ANXA4: variants seen among roughly 807,000 people sequenced by gnomAD.
ANXA4 encodes the protein 35-beta calcimedin.
Under a neutral mutation model 49.8 loss-of-function variants are expected in ANXA4, and 39 were observed. That is an observed-to-expected ratio of 0.78 (90% confidence interval 0.61 to 1.02). The LOEUF (loss-of-function observed/expected upper bound fraction) is 1.02. ANXA4 is among the 50% of genes least tolerant of loss of function. ANXA4 has a pLI of 0.00. For missense variants in ANXA4, 360 were observed against 410.1 expected, an observed-to-expected ratio of 0.88 and a Z score of 1.05; for synonymous variants, 134 against 152.5, an observed-to-expected ratio of 0.88 and a Z score of 0.89.
At chr2:69,663,289 C>T (rs1303870783) in intron 2 of ANXA4, among the ~76,000 whole-genome samples, 10 of 117,036 alleles carry the variant, frequency 8.5e-5, no homozygotes, top group South Asian at 2.8e-4. Context: ...CCAATGCACC[C>T]GGCCTTTTTT....
intron 1 of ANXA4, among the ~76,000 whole-genome samples, chr2:69,756,274 G>A (rs10190821): frequency 0.021 from 3,189 of 152,194 alleles, 55 homozygotes; most frequent in African/African-American, 0.041. Flanking sequence ...CCCTGCCTTG[G>A]GGCGTTTTTG....
chr2:69,797,300 C>T (rs1322043712), intron 3 of ANXA4, among the ~76,000 whole-genome samples: 5 of 152,094 alleles, frequency 3.3e-5, no homozygotes, highest in East Asian at 1.9e-4. Flanking sequence ...CCTTGGTCCC[C>T]GGGTCCCAGC....
At chr2:69,671,857 C>T (rs147149450) in intron 2 of ANXA4, among the ~76,000 whole-genome samples, 17 of 152,228 alleles carry the variant, frequency 1.1e-4, no homozygotes, top group South Asian at 2.1e-4. Context: ...AGTCAGAAAC[C>T]AACAAGTGTT....
chr2:69,798,719 T>C (rs565687370), intron 3 of ANXA4, among the ~76,000 whole-genome samples: 1 of 152,192 alleles, frequency 6.6e-6, no homozygotes, highest in Non-Finnish European at 1.5e-5. Context: ...TTTTGATAGT[T>C]ATTTGAGAGA....
At chr2:69,782,934 C>G (rs184348134) in intron 2 of ANXA4, among the ~76,000 whole-genome samples, 1 of 152,106 alleles carries the variant, frequency 6.6e-6, no homozygotes, top group African/African-American at 2.4e-5. Flanking sequence ...ACTATACAGT[C>G]GCAACATTGG....
intron 3 of ANXA4, among the ~76,000 whole-genome samples, chr2:69,799,747 A>G (rs1673108101): frequency 6.6e-6 from 1 of 152,182 alleles, no homozygotes; most frequent in Non-Finnish European, 1.5e-5. Context: ...TTGTCTCAGT[A>G]GACTTTTGGC....
chr2:69,817,970 C>T (rs1573316671), intron 9 of ANXA4: 1 of 152,128 alleles, frequency 6.6e-6, no homozygotes, highest in African/African-American at 2.4e-5. Context: ...GATTGACAGC[C>T]CTGTTAAAAT....
chr2:69,671,790 T>C (rs1007215589), intron 2 of ANXA4, among the ~76,000 whole-genome samples: 1 of 152,138 alleles, frequency 6.6e-6, no homozygotes, highest in Non-Finnish European at 1.5e-5. Flanking sequence ...TTGACCTCAT[T>C]CATAGTCAGG....
intron 3 of ANXA4, among the ~76,000 whole-genome samples, chr2:69,724,045 G>A (rs1669892451): frequency 6.6e-6 from 1 of 152,214 alleles, no homozygotes; most frequent in Admixed American, 6.5e-5. Flanking sequence ...ACTTGAACCC[G>A]GGAGGCGGAG....
intron 3 of ANXA4, among the ~76,000 whole-genome samples, chr2:69,736,504 T>C (rs1045046051): frequency 6.6e-6 from 1 of 152,156 alleles, no homozygotes; most frequent in Non-Finnish European, 1.5e-5. Flanking sequence ...TACTCTATAG[T>C]TAAGAAAAAT....
chr2:69,820,561 T>C (rs1674189310), intron 11 of ANXA4, 138 bp from the exon 12 acceptor site: 3 of 926,460 alleles, frequency 3.2e-6, no homozygotes, highest in Non-Finnish European at 4.9e-6. Context: ...AGAGTGAGGA[T>C]ATTCCTCAGG....
chr2:69,754,853 G>A (rs943830741), intron 1 of ANXA4, among the ~76,000 whole-genome samples: 2 of 152,202 alleles, frequency 1.3e-5, no homozygotes, highest in Admixed American at 1.3e-4. Context: ...TGCACAGAGG[G>A]ATTCACCTAG....
intron 6 of ANXA4, chr2:69,809,804 A>G (rs958679503): frequency 6.6e-6 from 1 of 152,262 alleles, no homozygotes; most frequent in Non-Finnish European, 1.5e-5. Context: ...ATAACCTGTC[A>G]GAACCTCCCA....
At chr2:69,694,351 T>C (rs1419827468) in intron 2 of ANXA4, among the ~76,000 whole-genome samples, 1 of 149,596 alleles carries the variant, frequency 6.7e-6, no homozygotes, top group East Asian at 2.0e-4. Flanking sequence ...TCCAGAACAG[T>C]AAACAATACA....
intron 1 of ANXA4, among the ~76,000 whole-genome samples, chr2:69,743,016 G>T (rs1259140879): frequency 1.3e-5 from 2 of 151,992 alleles, no homozygotes; most frequent in African/African-American, 4.8e-5. Flanking sequence ...TTAATTTTTT[G>T]TTTTGTTTTG....
chr2:69,651,382 G>A (rs144628494), intron 1 of ANXA4, among the ~76,000 whole-genome samples: 1 of 152,152 alleles, frequency 6.6e-6, no homozygotes, highest in Admixed American at 6.6e-5. Context: ...TTTTCTTAGA[G>A]ATTTTCATTA....
intron 4 of ANXA4, among the ~76,000 whole-genome samples, 198 bp from the exon 5 acceptor site, chr2:69,806,187 A>G (rs1673435098): frequency 6.6e-6 from 1 of 152,260 alleles, no homozygotes; most frequent in African/African-American, 2.4e-5. Flanking sequence ...AAATAGCCTT[A>G]GGAAAACCCC....
intron 9 of ANXA4, chr2:69,817,962 T>C (rs1170864612): frequency 1.3e-5 from 2 of 152,190 alleles, no homozygotes; most frequent in Non-Finnish European, 2.9e-5. Context: ...TGTCCCTTGA[T>C]TGACAGCCCT....
At chr2:69,757,252 ATATATATATATATATTTTTTTT>A (rs1208800165) in intron 1 of ANXA4, among the ~76,000 whole-genome samples, 1 of 42,384 alleles carries the variant, frequency 2.4e-5, no homozygotes, top group African/African-American at 1.9e-4. Context: ...ATATATATAT[ATATATATATATATATTTTTTTT>A]TTTTTTTTTT....
Sources: gnomAD v4.1 joint callset for allele counts (sites outside exome capture counted in the v4.1 genomes callset) on GRCh38, gnomAD v4.1.1 for gene constraint, MANE v1.5 for transcripts, NCBI Gene and HGNC (gene_info 2026-07-23, HGNC 2026-07-21) for gene names.